The following RALYL variants were observed in gnomAD, a reference collection of about 807,000 sequenced individuals.
RALYL encodes the protein RALY RNA binding protein like, also known as RNA-binding Raly-like protein.
RALYL carries 29 observed loss-of-function variants against 35.1 expected under a neutral mutation model. The ratio of observed to expected loss-of-function variants is 0.83; its 90% CI spans 0.61 to 1.13. RALYL has a LOEUF of 1.13. Ranked by LOEUF, RALYL falls within the 50% of genes most tolerant of loss-of-function variation. The pLI, the probability that RALYL is intolerant of heterozygous loss-of-function variation, is 0.00. For synonymous variants in RALYL, 120 were observed against 127.6 expected (o/e 0.94, Z 0.40); for missense variants, 359 against 360.4 (o/e 1.00, Z 0.03).
intron 2 of RALYL, among the ~76,000 whole-genome samples, chr8:84,689,540 G>A (rs113956715): frequency 0.022 from 3,274 of 152,106 alleles, 131 homozygotes; most frequent in African/African-American, 0.074. Flanking sequence ...ATAAACATAC[G>A]TGTGCATGTG....
At chr8:84,499,545 G>A (rs1217422194) in intron 1 of RALYL, among the ~76,000 whole-genome samples, 1 of 152,096 alleles carries the variant, frequency 6.6e-6, no homozygotes. Flanking sequence ...AGACAACAGA[G>A]ACCTGTTATA....
chr8:84,620,693 T>G (rs1007986077), intron 2 of RALYL, among the ~76,000 whole-genome samples: 1 of 151,912 alleles, frequency 6.6e-6, no homozygotes. Context: ...TTTCCAGTTT[T>G]TCTGTTCTGT....
intron 8 of RALYL, among the ~76,000 whole-genome samples, chr8:84,907,190 C>T (rs552970859): frequency 1.1e-3 from 172 of 152,180 alleles, no homozygotes; most frequent in African/African-American, 4.0e-3. Flanking sequence ...CCTACCCCTG[C>T]TATTTAAAGC....
rs2134296622 is a variant in RALYL, at chr8:84,825,752, C to T, written c.365+20950C>T. 2.6e-5 allele frequency among the ~76,000 whole-genome samples: 4 copies of T among 152,212 alleles called. No homozygotes were observed. In the South Asian group the frequency reaches 8.3e-4, roughly 32 times the overall value. ...GCATGGTGGTGCATGACTGTAATCC[C>T]AGCTTCTTGGGAGGCCGAGGCAGGA... On this transcript the variant is annotated intron_variant, in intron 4 of 8. Transcript: ENST00000521268.
intron 2 of RALYL, among the ~76,000 whole-genome samples, chr8:84,686,113 C>A (rs1836729424): frequency 2.0e-5 from 3 of 152,066 alleles, no homozygotes; most frequent in South Asian, 4.2e-4. Flanking sequence ...GCATAAGTAA[C>A]CTTAATTTTT....
intron 2 of RALYL, among the ~76,000 whole-genome samples, chr8:84,671,739 TG>T (rs1053979043): frequency 6.6e-6 from 1 of 152,194 alleles, no homozygotes; most frequent in Non-Finnish European, 1.5e-5. Context: ...AGTGGGGGCC[TG>T]GGCCCAGCCC....
At position 84,434,713 on chromosome 8, in the gene RALYL, C is replaced by T. The variant is rs116829981; in HGVS notation, c.-23-94586C>T. ...TCTTGAGGTAAGAAAATATAGATCA[C>T]GGCTGACTTCAGCCTCGACTACCTG... On this transcript the variant is annotated intron_variant, in intron 1 of 8. Coordinates refer to ENST00000521268, the MANE Select transcript of RALYL (RefSeq NM_173848.7). Among the ~76,000 whole-genome samples the T allele has an allele frequency of 1.1e-3, 160 of 152,172 alleles. 2 individuals carry two copies. The highest frequency in any genetic ancestry group is 3.3e-3 in the South Asian group (16 of 4,820).
chr8:84,229,087 T>C (rs1372852321), intron 1 of RALYL, among the ~76,000 whole-genome samples: 1 of 152,224 alleles, frequency 6.6e-6, no homozygotes, highest in Non-Finnish European at 1.5e-5. Context: ...CATCTCTGGC[T>C]ATTCATTCAT....
intron 2 of RALYL, among the ~76,000 whole-genome samples, chr8:84,730,427 C>T (rs1845929585): frequency 6.6e-6 from 1 of 152,124 alleles, no homozygotes; most frequent in Admixed American, 6.6e-5. Context: ...CAGCCAATAT[C>T]ATACTGAATG....
intron 2 of RALYL, among the ~76,000 whole-genome samples, chr8:84,654,602 G>GTAAC (rs1369278703): frequency 6.6e-6 from 1 of 151,656 alleles, no homozygotes; most frequent in Non-Finnish European, 1.5e-5. Context: ...CCTGCCTCTG[G>GTAAC]TAACTATCCT....
intron 8 of RALYL, among the ~76,000 whole-genome samples, chr8:84,903,494 C>G (rs959271987): frequency 6.6e-6 from 1 of 152,086 alleles, no homozygotes; most frequent in African/African-American, 2.4e-5. Context: ...ACAGACTAGA[C>G]CACTCACAGG....
At chr8:84,764,542 A>G (rs1437286539) in intron 2 of RALYL, among the ~76,000 whole-genome samples, 1 of 152,208 alleles carries the variant, frequency 6.6e-6, no homozygotes, top group Non-Finnish European at 1.5e-5. Flanking sequence ...TTACCAAATA[A>G]CTAGTAAGAA....
intron 1 of RALYL, among the ~76,000 whole-genome samples, chr8:84,503,772 G>A (rs2056920410): frequency 6.7e-6 from 1 of 150,158 alleles, no homozygotes; most frequent in Non-Finnish European, 1.5e-5. Flanking sequence ...TCGGCTTGAT[G>A]ATCTCCTGCT....
chr8:84,846,560 C>T (rs1454122259), intron 4 of RALYL, among the ~76,000 whole-genome samples: 1 of 152,048 alleles, frequency 6.6e-6, no homozygotes, highest in African/African-American at 2.4e-5. Flanking sequence ...TCCTCCTTGA[C>T]TTTTTTGGAA....
intron 2 of RALYL, chr8:84,706,154 T>G (rs1841171865): frequency 8.7e-7 from 1 of 1,155,876 alleles, no homozygotes; most frequent in East Asian, 2.6e-5. Context: ...TTCAGATACA[T>G]CCTGGTAGTA....
intron 2 of RALYL, among the ~76,000 whole-genome samples, chr8:84,596,203 A>G (rs1814491268): frequency 6.6e-6 from 1 of 152,104 alleles, no homozygotes; most frequent in African/African-American, 2.4e-5. Context: ...CAATCAAGTC[A>G]TTATTGGTGT....
chr8:84,573,267 G>T (rs1198845922), intron 2 of RALYL, among the ~76,000 whole-genome samples: 4 of 151,414 alleles, frequency 2.6e-5, no homozygotes, highest in African/African-American at 7.3e-5. Flanking sequence ...AAAACACCTT[G>T]CAGATCTAGC....
chr8:84,596,838 C>T (rs1418837744), intron 2 of RALYL, among the ~76,000 whole-genome samples: 3 of 152,076 alleles, frequency 2.0e-5, no homozygotes, highest in Non-Finnish European at 4.4e-5. Context: ...CTTGCTCTAA[C>T]TTCTTTCCTT....
intron 1 of RALYL, among the ~76,000 whole-genome samples, chr8:84,457,939 A>G (rs1345564693): frequency 1.3e-5 from 2 of 151,836 alleles, no homozygotes; most frequent in East Asian, 1.9e-4. Flanking sequence ...ATCAAACTGT[A>G]TCTTATTTAC....
Sources: allele counts gnomAD v4.1 joint callset (sites outside exome capture counted in the v4.1 genomes callset), GRCh38; gene constraint gnomAD v4.1.1; transcripts MANE v1.5; gene names NCBI Gene and HGNC (gene_info 2026-07-23, HGNC 2026-07-21).